TLN2: variants seen among roughly 807,000 people sequenced by gnomAD.
TLN2 encodes the protein talin 2, also known as talin-2.
A neutral mutation model predicts 294.7 loss-of-function variants in TLN2; 118 were observed. The ratio of observed to expected loss-of-function variants is 0.40; its 90% CI spans 0.34 to 0.47. The LOEUF is 0.47. Ranked by LOEUF, TLN2 falls within the 20% of genes least tolerant of loss-of-function variation. The pLI is 0.84. For missense variants in TLN2, 3,083 were observed against 3,282.2 expected (o/e 0.94, Z 1.48); for synonymous variants, 1,431 against 1,304.5 (o/e 1.10, Z -2.09).
rs78052609 is a variant in TLN2 at position 62,840,152 on chromosome 15, C to A, written c.7501-330C>A. Among the ~76,000 whole-genome samples, 39 of 152,290 alleles carry A rather than the reference C, an allele frequency of 2.6e-4. No homozygotes were observed. In the East Asian group the frequency reaches 6.8e-3, roughly 26 times the overall value. The stretch of plus-strand genomic sequence containing the variant: ...TTTCTTCTTGGAAAAACAAGACTTT[C>A]AACAGGGCATGCTTCACAGGGCAGC... On this transcript the variant is annotated intron_variant, in intron 58 of 58. Coordinates refer to ENST00000636159, the MANE Select transcript of TLN2 (RefSeq NM_015059.3).
At chr15:62,460,643 C>T (rs1352155890) in intron 1 of TLN2, among the ~76,000 whole-genome samples, 1 of 152,188 alleles carries the variant, frequency 6.6e-6, no homozygotes, top group Non-Finnish European at 1.5e-5. Context: ...TGCCAGTCCT[C>T]ATGATGGACA....
chr15:62,460,074 C>A (rs1301131375), intron 1 of TLN2, among the ~76,000 whole-genome samples: 1 of 152,150 alleles, frequency 6.6e-6, no homozygotes, highest in Non-Finnish European at 1.5e-5. Flanking sequence ...GGTGCTGCAT[C>A]AGCCTCAGGC....
chr15:62,619,326 C>T (rs760290084), intron 3 of TLN2, among the ~76,000 whole-genome samples: 21 of 152,206 alleles, frequency 1.4e-4, no homozygotes, highest in Admixed American at 5.2e-4. Context: ...ATTCTCATAG[C>T]GCACCTCCAG....
chr15:62,690,147 G>T (rs1352213028), intron 12 of TLN2: 2 of 155,172 alleles, frequency 1.3e-5, no homozygotes, highest in African/African-American at 5.0e-5. Flanking sequence ...CAGGCAGGGG[G>T]CTGACCCCCC....
intron 32 of TLN2, among the ~76,000 whole-genome samples, chr15:62,741,916 G>A (rs2061351167): frequency 2.0e-5 from 3 of 151,808 alleles, no homozygotes; most frequent in African/African-American, 4.8e-5. Context: ...TCTGCAAAGT[G>A]GGGGTATGAA....
chr15:62,493,767 T>C (rs926892565), intron 1 of TLN2, among the ~76,000 whole-genome samples: 12 of 152,076 alleles, frequency 7.9e-5, no homozygotes, highest in Non-Finnish European at 1.6e-4. Flanking sequence ...CACACCACCA[T>C]GCCTGGCTAG....
intron 3 of TLN2, among the ~76,000 whole-genome samples, chr15:62,624,533 A>G (rs2049104409): frequency 6.6e-6 from 1 of 152,240 alleles, no homozygotes; most frequent in Non-Finnish European, 1.5e-5. Context: ...TGACATTGAA[A>G]GGCATAAGAT....
At chr15:62,833,848 G>A in intron 55 of TLN2, 1 of 516,282 alleles carries the variant, frequency 1.9e-6, no homozygotes, top group Non-Finnish European at 3.2e-6. Flanking sequence ...TTCTTGTTAA[G>A]GAAAGCATCC....
At chr15:62,758,008 A>G (rs1375110595) in intron 37 of TLN2, among the ~76,000 whole-genome samples, 1 of 152,242 alleles carries the variant, frequency 6.6e-6, no homozygotes. Context: ...AGAAAAACAA[A>G]TGAATATTTA....
chr15:62,739,927 G>A (rs529375549), intron 31 of TLN2, among the ~76,000 whole-genome samples: 2 of 152,064 alleles, frequency 1.3e-5, no homozygotes, highest in Non-Finnish European at 2.9e-5. Flanking sequence ...CAGATGGTCT[G>A]TGTCTAATAC....
intron 52 of TLN2, among the ~76,000 whole-genome samples, chr15:62,819,155 C>G (rs536902915): frequency 4.3e-4 from 66 of 152,278 alleles, no homozygotes; most frequent in African/African-American, 1.5e-3. Context: ...CCACTGTACC[C>G]AGCCAGAATG....
At chr15:62,500,194 C>T (rs1205419632) in intron 1 of TLN2, among the ~76,000 whole-genome samples, 7 of 151,884 alleles carry the variant, frequency 4.6e-5, no homozygotes, top group East Asian at 3.9e-4. Flanking sequence ...AAAAATTAGA[C>T]AGGTGTGGTG....
chr15:62,714,451 C>T (rs376536522), intron 22 of TLN2, among the ~76,000 whole-genome samples: 1 of 152,060 alleles, frequency 6.6e-6, no homozygotes, highest in Non-Finnish European at 1.5e-5. Flanking sequence ...ATCCACCCGC[C>T]TCGGCCTCCC....
chr15:62,679,418 A>G (rs1461184635), intron 11 of TLN2, among the ~76,000 whole-genome samples: 1 of 140,960 alleles, frequency 7.1e-6, no homozygotes, highest in African/African-American at 2.5e-5. Flanking sequence ...CTTACAATGC[A>G]ATATCATTCA....
intron 3 of TLN2, among the ~76,000 whole-genome samples, chr15:62,641,671 T>G (rs1036204845): frequency 7.9e-5 from 12 of 152,140 alleles, no homozygotes; most frequent in African/African-American, 2.7e-4. Context: ...TACCTAAGCC[T>G]TTTCTCTGTG....
At chr15:62,839,917 C>A (rs997253830) in intron 58 of TLN2, among the ~76,000 whole-genome samples, 7 of 152,222 alleles carry the variant, frequency 4.6e-5, no homozygotes, top group African/African-American at 1.7e-4. Flanking sequence ...AGGAAAGGAA[C>A]TGACTTTGCT....
At chr15:62,563,542 G>A (rs1187926594) in intron 1 of TLN2, among the ~76,000 whole-genome samples, 1 of 152,160 alleles carries the variant, frequency 6.6e-6, no homozygotes, top group East Asian at 1.9e-4. Context: ...TTGGTGCGTT[G>A]TCTGTTTACT....
chr15:62,724,535 T>A (rs1440910113), intron 26 of TLN2, among the ~76,000 whole-genome samples: 1 of 152,158 alleles, frequency 6.6e-6, no homozygotes, highest in Non-Finnish European at 1.5e-5. Flanking sequence ...ATCTAGAAAT[T>A]TGTAAAGAGA....
At chr15:62,653,400 A>G in intron 7 of TLN2, 86 bp downstream of exon 7, 4 of 1,425,086 alleles carry the variant, frequency 2.8e-6, no homozygotes, top group South Asian at 1.7e-5. Flanking sequence ...GACCCAGGAC[A>G]GGACTTTTGA....
Sources: gnomAD v4.1 joint callset for allele counts (sites outside exome capture counted in the v4.1 genomes callset) on GRCh38, gnomAD v4.1.1 for gene constraint, MANE v1.5 for transcripts, NCBI Gene and HGNC (gene_info 2026-07-23, HGNC 2026-07-21) for gene names.